Variants in CAST observed in about 807,000 individuals in gnomAD.
The protein encoded by CAST is calpastatin, also known as MIR583 host.
In CAST, 76 loss-of-function variants were observed where a neutral mutation model predicts 119.6. The observed-to-expected ratio is 0.64, with a 90% CI of 0.53 to 0.77. CAST has a LOEUF of 0.77. Ranked by LOEUF, CAST falls within the 30% of genes least tolerant of loss-of-function variation. The pLI is 0.00. For missense variants in CAST, 953 were observed against 946.5 expected (o/e 1.01, Z -0.09); for synonymous variants, 319 against 331.6 (o/e 0.96, Z 0.41).
the CAST span, among the ~76,000 whole-genome samples, chr5:96,364,688 A>G: frequency 2.6e-5 from 4 of 151,962 alleles, no homozygotes; most frequent in African/African-American, 9.7e-5. Context: ...ATCATTTTTT[A>G]TTGCGTCTAT....
chr5:96,061,005 CTG>C, the CAST span, among the ~76,000 whole-genome samples: 1 of 152,010 alleles, frequency 6.6e-6, no homozygotes, highest in African/African-American at 2.4e-5. Flanking sequence ...TTGGAGCACT[CTG>C]GTATCTTTTC....
At chr5:96,718,919 G>A (rs542498268) in intron 3 of CAST, among the ~76,000 whole-genome samples, 17 of 152,232 alleles carry the variant, frequency 1.1e-4, no homozygotes, top group African/African-American at 3.9e-4. Context: ...GCCAAGTTCC[G>A]AGCCAAGCCA....
chr5:96,721,349 T>A (rs1464539690), intron 3 of CAST, among the ~76,000 whole-genome samples: 2 of 152,204 alleles, frequency 1.3e-5, no homozygotes, highest in Admixed American at 1.3e-4. Flanking sequence ...CAAGCATCAA[T>A]GTGTTCTGCA....
chr5:96,081,949 TG>T, the CAST span, among the ~76,000 whole-genome samples: 1 of 152,230 alleles, frequency 6.6e-6, no homozygotes, highest in Non-Finnish European at 1.5e-5. Context: ...AGTCTCGCTC[TG>T]TCGCCCAGGC....
the CAST span, among the ~76,000 whole-genome samples, chr5:96,339,835 A>AACCT: frequency 2.0e-5 from 3 of 152,114 alleles, no homozygotes; most frequent in Non-Finnish European, 4.4e-5. Flanking sequence ...GAACACAGTA[A>AACCT]ACCTAGTAAA....
upstream of CAST, among the ~76,000 whole-genome samples, chr5:96,522,222 T>C (rs1745530550): frequency 6.6e-6 from 1 of 152,196 alleles, no homozygotes; most frequent in South Asian, 2.1e-4. Flanking sequence ...TCGGATTGGG[T>C]ACTTTTATTG....
At position 96,712,995 on chromosome 5, in the gene CAST, A is replaced by G. The variant is rs116426116; in HGVS notation, c.211-9644A>G. Reference sequence around the variant, plus strand: ...CATTTCTGTGGAGATTGAGGCTTGCAGTTGGTTTTGCAGCGTAAGTGCACA... The same window carrying G: ...CATTTCTGTGGAGATTGAGGCTTGCGGTTGGTTTTGCAGCGTAAGTGCACA... On this transcript the variant is annotated intron_variant, in intron 3 of 31. Coordinates refer to ENST00000675179, the MANE Select transcript of CAST (RefSeq NM_001750.7). 4.4e-3 allele frequency among the ~76,000 whole-genome samples: 674 copies of G among 152,152 alleles called. 9 individuals carry two copies. The highest frequency in any genetic ancestry group is 0.016 in the African/African-American group (653 of 41,518).
chr5:96,582,614 G>T (rs193168332), intron 1 of CAST, among the ~76,000 whole-genome samples: 9 of 152,190 alleles, frequency 5.9e-5, no homozygotes, highest in African/African-American at 2.2e-4. Context: ...ATTATGTACT[G>T]GGACGGAGTG....
intron 2 of CAST, among the ~76,000 whole-genome samples, chr5:96,678,594 C>G (rs915364739): frequency 6.6e-6 from 1 of 152,050 alleles, no homozygotes; most frequent in Non-Finnish European, 1.5e-5. Flanking sequence ...CCTGTAATCC[C>G]AGCACTTTGG....
the CAST span, among the ~76,000 whole-genome samples, chr5:96,390,069 T>A: frequency 2.6e-5 from 4 of 152,334 alleles, no homozygotes; most frequent in African/African-American, 7.2e-5. Flanking sequence ...TTCTCTTACA[T>A]GTAGTAAGTC....
the CAST span, among the ~76,000 whole-genome samples, chr5:96,040,763 A>G: frequency 6.6e-6 from 1 of 152,124 alleles, no homozygotes; most frequent in African/African-American, 2.4e-5. Flanking sequence ...GTGCTTCTGA[A>G]TTCGGTTTGC....
chr5:96,691,069 A>G (rs527274486), intron 2 of CAST, among the ~76,000 whole-genome samples: 2 of 152,328 alleles, frequency 1.3e-5, no homozygotes, highest in South Asian at 2.1e-4. Flanking sequence ...TTTTTCATAT[A>G]GAAAACTAAA....
intron 1 of CAST, among the ~76,000 whole-genome samples, chr5:96,533,489 T>C (rs1294739248): frequency 6.6e-6 from 1 of 152,206 alleles, no homozygotes; most frequent in Non-Finnish European, 1.5e-5. Flanking sequence ...TATTTTATAA[T>C]AATATTAAGA....
chr5:96,141,361 A>G, the CAST span, among the ~76,000 whole-genome samples: 3 of 152,328 alleles, frequency 2.0e-5, no homozygotes, highest in South Asian at 6.2e-4. Context: ...AATGGTTGGC[A>G]TTCTCCAATT....
intron 16 of CAST, among the ~76,000 whole-genome samples, chr5:96,744,777 A>G (rs1049275591): frequency 2.6e-5 from 4 of 152,300 alleles, no homozygotes; most frequent in Non-Finnish European, 4.4e-5. Context: ...CCACCCCAGC[A>G]TACCCCAGAA....
chr5:96,225,636 A>G, the CAST span, among the ~76,000 whole-genome samples: 1 of 152,192 alleles, frequency 6.6e-6, no homozygotes, highest in East Asian at 1.9e-4. Flanking sequence ...TTACTAATGT[A>G]TATGTAAATA....
At chr5:96,486,356 A>T in the CAST span, among the ~76,000 whole-genome samples, 1 of 152,144 alleles carries the variant, frequency 6.6e-6, no homozygotes, top group Non-Finnish European at 1.5e-5. Context: ...GAATTCCCAG[A>T]TCTAGAAACA....
At chr5:96,187,600 T>A in the CAST span, among the ~76,000 whole-genome samples, 1 of 152,218 alleles carries the variant, frequency 6.6e-6, no homozygotes, top group Non-Finnish European at 1.5e-5. Flanking sequence ...TTTCATTGTT[T>A]ACCCAAGAGT....
intron 1 of CAST, among the ~76,000 whole-genome samples, chr5:96,540,892 C>T (rs1248924855): frequency 6.6e-6 from 1 of 152,074 alleles, no homozygotes; most frequent in African/African-American, 2.4e-5. Context: ...AAGTAAAGTG[C>T]CCTTTTCATT....
Sources: gnomAD v4.1 joint callset for allele counts (sites outside exome capture counted in the v4.1 genomes callset) on GRCh38, gnomAD v4.1.1 for gene constraint, MANE v1.5 for transcripts, NCBI Gene and HGNC (gene_info 2026-07-23, HGNC 2026-07-21) for gene names.